The following ATG7 variants were observed in gnomAD, a reference collection of about 807,000 sequenced individuals.
The protein encoded by ATG7 is ubiquitin-like modifier-activating enzyme ATG7.
A neutral mutation model predicts 82.4 loss-of-function variants in ATG7; 70 were observed. That is an observed-to-expected ratio of 0.85 (90% CI 0.70 to 1.04). The LOEUF (loss-of-function observed/expected upper bound fraction) is 1.04. Among genes scored for constraint, ATG7 ranks in the 50% least tolerant of loss-of-function variants. ATG7 has a pLI of 0.00. For synonymous variants in ATG7, 287 were observed against 313.0 expected (o/e 0.92, Z 0.88); for missense variants, 792 against 864.3 (o/e 0.92, Z 1.05).
At chr3:11,445,357 G>A (rs2084436558) in intron 20 of ATG7, among the ~76,000 whole-genome samples, 1 of 152,184 alleles carries the variant, frequency 6.6e-6, no homozygotes, top group Non-Finnish European at 1.5e-5. Flanking sequence ...ATACACCATG[G>A]AATACTATGC....
At chr3:11,413,479 G>A (rs972328186) in intron 19 of ATG7, among the ~76,000 whole-genome samples, 22 of 151,920 alleles carry the variant, frequency 1.4e-4, no homozygotes, top group African/African-American at 3.4e-4. Flanking sequence ...TTGGTTTTTC[G>A]TCCTTGCATT....
downstream of ATG7, chr3:11,557,727 T>TC (rs1164465251): frequency 1.3e-5 from 2 of 152,824 alleles, no homozygotes; most frequent in Non-Finnish European, 1.5e-5. Flanking sequence ...AGCTATTTTT[T>TC]CTCCATTAAA....
At chr3:11,455,422 T>C (rs1559660345) in intron 20 of ATG7, among the ~76,000 whole-genome samples, 1 of 152,184 alleles carries the variant, frequency 6.6e-6, no homozygotes, top group African/African-American at 2.4e-5. Context: ...CCTGTTCTGC[T>C]TTTGCTGGTC....
chr3:11,348,230 C>G, intron 14 of ATG7, 195 bp downstream of exon 14: 1 of 679,934 alleles, frequency 1.5e-6, no homozygotes, highest in East Asian at 3.0e-5. Flanking sequence ...CATGGTGGCT[C>G]ATACCTGCAA....
chr3:11,562,830 T>C, the ATG7 span, among the ~76,000 whole-genome samples: 1 of 152,248 alleles, frequency 6.6e-6, no homozygotes, highest in African/African-American at 2.4e-5. Context: ...GGCCCCTGGC[T>C]TTGTCCTCAG....
At chr3:11,446,496 G>A in intron 20 of ATG7, 1 of 446,036 alleles carries the variant, frequency 2.2e-6, no homozygotes. Context: ...TATTGTATCT[G>A]GTTTACTTTT....
At chr3:11,344,972 A>G (rs1458690357) in intron 13 of ATG7, among the ~76,000 whole-genome samples, 1 of 152,228 alleles carries the variant, frequency 6.6e-6, no homozygotes, top group Non-Finnish European at 1.5e-5. Context: ...TTTTATAGCT[A>G]CATTATGCTA....
At chr3:11,391,249 T>C (rs1229545412) in intron 19 of ATG7, among the ~76,000 whole-genome samples, 1 of 152,224 alleles carries the variant, frequency 6.6e-6, no homozygotes, top group South Asian at 2.1e-4. Flanking sequence ...TAGATTCTTT[T>C]TCTTTTTCTT....
intron 19 of ATG7, among the ~76,000 whole-genome samples, chr3:11,389,455 T>G (rs947193672): frequency 6.8e-6 from 1 of 148,118 alleles, no homozygotes; most frequent in African/African-American, 2.5e-5. Flanking sequence ...TTTTTTTTTT[T>G]TAACACAGAA....
chr3:11,561,948 G>A (rs1337502230), downstream of ATG7, among the ~76,000 whole-genome samples: 2 of 143,328 alleles, frequency 1.4e-5, no homozygotes, highest in Non-Finnish European at 1.5e-5. Context: ...CGTCCAGGCT[G>A]GAGTGCAGTG....
At chr3:11,519,653 A>G (rs1359339636) in intron 20 of ATG7, among the ~76,000 whole-genome samples, 1 of 137,178 alleles carries the variant, frequency 7.3e-6, no homozygotes, top group Non-Finnish European at 1.5e-5. Flanking sequence ...TCCCCCTCCC[A>G]GATTCACGCC....
Position 11,545,154 on chromosome 3 carries a change from G to A in ATG7, c.2080-9657G>A, listed in dbSNP as rs1049882119. On this transcript the variant is annotated intron_variant, in intron 20 of 20. Transcript: ENST00000693202. ...TCTGGTGGGCCAGAGAGAGGGTGCC[G>A]GGGTGGGGAGCTTGGAGGGGTGTGC... is the stretch of plus-strand genomic sequence containing the variant. Among the ~76,000 whole-genome samples, 8 of 152,298 alleles carry A rather than the reference G, an allele frequency of 5.3e-5. 1 individual carries two copies. In the East Asian group the frequency reaches 7.7e-4, roughly 15 times the overall value.
rs542618433 is a variant in ATG7 at position 11,401,211 on chromosome 3, G to A, written c.1956+21159G>A. ...TTTAACAAGCCTTCCTGGGGATTCTGAAGCATGCTCAAGTTTTGATAAACC... is the reference window on the plus strand; with the variant it reads ...TTTAACAAGCCTTCCTGGGGATTCTAAAGCATGCTCAAGTTTTGATAAACC... On this transcript the variant is annotated intron_variant, in intron 19 of 20. Coordinates refer to ENST00000693202, the MANE Select transcript of ATG7 (RefSeq NM_001349232.2). 1.4e-4 allele frequency among the ~76,000 whole-genome samples: 22 copies of A among 152,336 alleles called. No homozygotes were observed. In the East Asian group the frequency reaches 4.0e-3, roughly 28 times the overall value.
At chr3:11,475,789 T>C (rs2088098885) in intron 20 of ATG7, among the ~76,000 whole-genome samples, 1 of 151,972 alleles carries the variant, frequency 6.6e-6, no homozygotes, top group East Asian at 1.9e-4. Context: ...TGTTGACCCA[T>C]TGATACCCTG....
the ATG7 span, among the ~76,000 whole-genome samples, chr3:11,567,423 T>C: frequency 6.6e-6 from 1 of 152,160 alleles, no homozygotes; most frequent in Non-Finnish European, 1.5e-5. Context: ...ATACAGAATA[T>C]CTTAAAAGCA....
At chr3:11,428,217 T>C (rs537368663) in intron 20 of ATG7, among the ~76,000 whole-genome samples, 1 of 152,332 alleles carries the variant, frequency 6.6e-6, no homozygotes, top group African/African-American at 2.4e-5. Context: ...CCTCCATAGG[T>C]TGCATATCCT....
intron 20 of ATG7, among the ~76,000 whole-genome samples, chr3:11,539,082 A>G (rs550031364): frequency 7.6e-6 from 1 of 131,058 alleles, no homozygotes; most frequent in East Asian, 2.4e-4. Flanking sequence ...CAAAATGTTA[A>G]TGATATCAAC....
At chr3:11,567,662 G>A in the ATG7 span, among the ~76,000 whole-genome samples, 1 of 152,216 alleles carries the variant, frequency 6.6e-6, no homozygotes, top group African/African-American at 2.4e-5. Flanking sequence ...TATGATCCCA[G>A]ACACCGATGT....
the ATG7 span, among the ~76,000 whole-genome samples, chr3:11,563,735 C>T: frequency 2.0e-5 from 3 of 152,206 alleles, no homozygotes; most frequent in African/African-American, 7.2e-5. Context: ...TTCTGGTACC[C>T]CCTGGCACAC....
Sources: gnomAD v4.1 joint callset for allele counts (sites outside exome capture counted in the v4.1 genomes callset) on GRCh38, gnomAD v4.1.1 for gene constraint, MANE v1.5 for transcripts, NCBI Gene and HGNC (gene_info 2026-07-23, HGNC 2026-07-21) for gene names.